The following SAMD12 variants were observed in gnomAD, a reference collection of about 807,000 sequenced individuals.
The protein encoded by SAMD12 is sterile alpha motif domain-containing protein 12.
In SAMD12, 9 loss-of-function variants were observed where a neutral mutation model predicts 15.0. The ratio of observed to expected loss-of-function variants is 0.60; its 90% CI spans 0.36 to 1.05. The LOEUF is 1.05. SAMD12 is among the 50% of genes least tolerant of loss of function. The probability of loss-of-function intolerance (pLI) is 0.01; values close to 1 mark genes in which losing one functional copy is unlikely to be tolerated. For missense variants in SAMD12, 230 were observed against 234.2 expected (o/e 0.98, Z 0.12); for synonymous variants, 86 against 90.1 (o/e 0.96, Z 0.25).
intron 4 of SAMD12, among the ~76,000 whole-genome samples, chr8:118,264,195 T>A (rs1037264233): frequency 6.6e-6 from 1 of 152,076 alleles, no homozygotes; most frequent in Non-Finnish European, 1.5e-5. Context: ...TGTATTGGCA[T>A]CTTTACCACC....
At chr8:118,552,694 G>C (rs1826380547) in intron 2 of SAMD12, among the ~76,000 whole-genome samples, 1 of 152,156 alleles carries the variant, frequency 6.6e-6, no homozygotes, top group South Asian at 2.1e-4. Context: ...AATTAGGCAG[G>C]AGAAGGAAAT....
intron 3 of SAMD12, among the ~76,000 whole-genome samples, chr8:118,429,427 C>T (rs537584924): frequency 2.6e-5 from 4 of 152,188 alleles, no homozygotes; most frequent in Non-Finnish European, 4.4e-5. Context: ...ACTGAAAACA[C>T]TTCTGGTTCC....
intron 3 of SAMD12, among the ~76,000 whole-genome samples, chr8:118,423,205 G>C (rs1222336061): frequency 6.6e-6 from 1 of 152,080 alleles, no homozygotes; most frequent in Non-Finnish European, 1.5e-5. Context: ...GATTTCCTTA[G>C]CCTGGCCCTC....
At chr8:118,543,631 C>CTTTTTTTTTTTTTTTTTTTTT (rs397978436) in intron 2 of SAMD12, among the ~76,000 whole-genome samples, 5 of 116,626 alleles carry the variant, frequency 4.3e-5, no homozygotes, top group African/African-American at 1.8e-4. Context: ...TTCTTTCTTT[C>CTTTTTTTTTTTTTTTTTTTTT]TTTTTTTTTT....
At chr8:118,594,619 A>T (rs996487680) in intron 1 of SAMD12, among the ~76,000 whole-genome samples, 4 of 152,184 alleles carry the variant, frequency 2.6e-5, no homozygotes, top group African/African-American at 9.7e-5. Flanking sequence ...TTTACCTCCA[A>T]GCCAAGAAAA....
intron 1 of SAMD12, among the ~76,000 whole-genome samples, chr8:118,600,717 G>A (rs912925146): frequency 2.6e-5 from 4 of 151,902 alleles, no homozygotes; most frequent in Non-Finnish European, 5.9e-5. Flanking sequence ...ACTTCTGAAG[G>A]ACTATTTCCC....
chr8:118,254,464 A>G (rs377186770), intron 4 of SAMD12, among the ~76,000 whole-genome samples: 5 of 152,160 alleles, frequency 3.3e-5, no homozygotes, highest in African/African-American at 1.2e-4. Flanking sequence ...AGTGATCTTA[A>G]GTCATATCTC....
chr8:118,427,310 GA>G (rs1822261521), intron 3 of SAMD12, among the ~76,000 whole-genome samples: 1 of 152,068 alleles, frequency 6.6e-6, no homozygotes, highest in African/African-American at 2.4e-5. Flanking sequence ...TTAAAAAATG[GA>G]AAAGTACACA....
At chr8:118,256,898 G>C (rs943526389) in intron 4 of SAMD12, among the ~76,000 whole-genome samples, 5 of 151,620 alleles carry the variant, frequency 3.3e-5, no homozygotes, top group African/African-American at 1.2e-4. Flanking sequence ...CAGATAGCAA[G>C]AATTCAGTCC....
intron 4 of SAMD12, among the ~76,000 whole-genome samples, chr8:118,256,272 C>T (rs1812936678): frequency 6.6e-6 from 1 of 152,080 alleles, no homozygotes; most frequent in South Asian, 2.1e-4. Flanking sequence ...GATATGTGCA[C>T]CTACATTATT....
chr8:118,536,164 T>A (rs1219034744), intron 2 of SAMD12, among the ~76,000 whole-genome samples: 1 of 152,170 alleles, frequency 6.6e-6, no homozygotes. Flanking sequence ...CTGGTAACCA[T>A]GCTAATTTTC....
chr8:118,435,666 A>G (rs1822558372), intron 3 of SAMD12, among the ~76,000 whole-genome samples: 1 of 152,248 alleles, frequency 6.6e-6, no homozygotes, highest in African/African-American at 2.4e-5. Flanking sequence ...AAGTTCTTCA[A>G]ATAAACACAG....
intron 2 of SAMD12, among the ~76,000 whole-genome samples, chr8:118,515,279 C>T (rs1373855962): frequency 2.0e-5 from 3 of 149,642 alleles, no homozygotes; most frequent in Non-Finnish European, 4.4e-5. Flanking sequence ...GTGATCCGCC[C>T]GCCTCAGCCT....
intron 4 of SAMD12, among the ~76,000 whole-genome samples, chr8:118,325,925 C>A (rs1816542299): frequency 1.3e-5 from 2 of 152,174 alleles, no homozygotes; most frequent in African/African-American, 2.4e-5. Context: ...ATTTGACTTA[C>A]AACAGCCCAG....
In SAMD12 at chr8:118,462,799, T is replaced by C. The variant is rs572003208; in HGVS notation, c.193-22838A>G. Reference sequence around the variant, plus strand: ...GTGCTAGGATAAAAAGGTTAGGTTCTATAAGAAATAGATAAAAAGTGGGCC... The same window carrying C: ...GTGCTAGGATAAAAAGGTTAGGTTCCATAAGAAATAGATAAAAAGTGGGCC... On this transcript the variant is annotated intron_variant, in intron 2 of 3. Coordinates refer to ENST00000314727, the MANE Select transcript of SAMD12 (RefSeq NM_207506.3). Among the ~76,000 whole-genome samples, 19 of 152,274 alleles carry C rather than the reference T, an allele frequency of 1.2e-4. No individual in the cohort carries two copies. The East Asian group carries it at 2.5e-3, about 20-fold the overall frequency.
chr8:118,249,101 TA>T (rs1812762530), intron 4 of SAMD12, among the ~76,000 whole-genome samples: 1 of 152,130 alleles, frequency 6.6e-6, no homozygotes, highest in Non-Finnish European at 1.5e-5. Flanking sequence ...CTAGATTACT[TA>T]TAATATCTAA....
chr8:118,220,013 T>C (rs1812050440), intron 4 of SAMD12, among the ~76,000 whole-genome samples: 1 of 152,216 alleles, frequency 6.6e-6, no homozygotes, highest in Non-Finnish European at 1.5e-5. Context: ...CTGAATGATA[T>C]CCTTATTATG....
rs537898221 is a variant in SAMD12, at chr8:118,402,786, A to T, written c.323-23086T>A. Among the ~76,000 whole-genome samples the T allele has an allele frequency of 1.6e-4, 24 of 152,322 alleles. No individual in the cohort carries two copies. The South Asian group carries it at 5.0e-3, about 32-fold the overall frequency. On this transcript the variant is annotated intron_variant, in intron 3 of 3. Coordinates refer to ENST00000314727, the MANE Select transcript of SAMD12 (RefSeq NM_207506.3). ...GCATTCACTAAGACAATCAGAGCAG[A>T]ATTACCCCAAAATATTAAGCATCTT... is the stretch of plus-strand genomic sequence containing the variant.
At chr8:118,579,373 A>G (rs570327326) in intron 2 of SAMD12, among the ~76,000 whole-genome samples, 9 of 152,234 alleles carry the variant, frequency 5.9e-5, no homozygotes, top group African/African-American at 1.9e-4. Context: ...CTCATTTCCA[A>G]TGTTGTTCAC....
Sources: allele counts gnomAD v4.1 joint callset (sites outside exome capture counted in the v4.1 genomes callset), GRCh38; gene constraint gnomAD v4.1.1; transcripts MANE v1.5; gene names NCBI Gene and HGNC (gene_info 2026-07-23, HGNC 2026-07-21).